RDH10: variants seen among roughly 807,000 people sequenced by gnomAD.
The protein encoded by RDH10 is retinol dehydrogenase 10 (all-trans).
In RDH10, 12 loss-of-function variants were observed where a neutral mutation model predicts 30.2. The observed-to-expected ratio is 0.40, with a 90% CI of 0.25 to 0.64. The LOEUF is 0.64. Ranked by LOEUF, RDH10 falls within the 30% of genes least tolerant of loss-of-function variation. The probability of loss-of-function intolerance (pLI) is 0.43; values close to 1 mark genes in which losing one functional copy is unlikely to be tolerated. For missense variants in RDH10, 268 were observed against 445.2 expected (o/e 0.60, Z 3.58); for synonymous variants, 189 against 172.2 (o/e 1.10, Z -0.76).
intron 2 of RDH10, among the ~76,000 whole-genome samples, chr8:73,318,557 C>T (rs1814714226): frequency 6.6e-6 from 1 of 152,260 alleles, no homozygotes; most frequent in Non-Finnish European, 1.5e-5. Context: ...TCCTAAAATA[C>T]TTTGTCTCCT....
At chr8:73,303,213 A>G (rs1644537021) in intron 2 of RDH10, among the ~76,000 whole-genome samples, 1 of 152,256 alleles carries the variant, frequency 6.6e-6, no homozygotes, top group South Asian at 2.1e-4. Flanking sequence ...TGAGTAATGT[A>G]GCACTTAAAG....
chr8:73,319,309 A>G, intron 3 of RDH10, 115 bp downstream of exon 3: 1 of 700,148 alleles, frequency 1.4e-6, no homozygotes, highest in Non-Finnish European at 2.5e-6. Flanking sequence ...GCACGAAGGC[A>G]CTCTGCATGT....
At chr8:73,306,636 T>G (rs1379310512) in intron 2 of RDH10, among the ~76,000 whole-genome samples, 1 of 152,242 alleles carries the variant, frequency 6.6e-6, no homozygotes, top group Non-Finnish European at 1.5e-5. Flanking sequence ...TTACAATGAA[T>G]TCACATTTGG....
intron 2 of RDH10, among the ~76,000 whole-genome samples, chr8:73,306,119 T>C (rs1814460019): frequency 6.6e-6 from 1 of 152,208 alleles, no homozygotes; most frequent in Non-Finnish European, 1.5e-5. Context: ...TTCAGAAGGT[T>C]CCCTGTATTG....
chr8:73,305,342 A>G (rs1283687846), intron 2 of RDH10, among the ~76,000 whole-genome samples: 1 of 152,242 alleles, frequency 6.6e-6, no homozygotes, highest in Non-Finnish European at 1.5e-5. Flanking sequence ...GAGAAAATTT[A>G]ATAGCCTCAC....
chr8:73,313,516 T>G (rs1233090934), intron 2 of RDH10: 1 of 152,126 alleles, frequency 6.6e-6, no homozygotes. Flanking sequence ...CAGAATATGG[T>G]ATTGGAATCT....
chr8:73,294,687 C>G lies in RDH10; in HGVS notation c.-603C>G, dbSNP rs1009653155. ...GTGACACCCGCGGAGAGTGCAGGGC[C>G]GGGGAACGCGAGCCCTCGGGGGCAG... On this transcript the variant is annotated 5_prime_UTR_variant, in exon 1 of 6. Coordinates refer to ENST00000240285, the MANE Select transcript of RDH10 (RefSeq NM_172037.5). 2 of 365,686 alleles carry G rather than the reference C, an allele frequency of 5.5e-6. No homozygotes were observed. Among genetic ancestry groups the G allele is most frequent in the East Asian group, 3.9e-5 (1 of 25,346 alleles). 22.7% of individuals were successfully genotyped at this position (365,686 alleles called of 1,614,324 possible). A position where few individuals can be genotyped will look rare whatever the true frequency, so the allele number is the denominator to read the frequency against.
At chr8:73,298,235 A>G (rs776231250) in intron 2 of RDH10, among the ~76,000 whole-genome samples, 1 of 152,094 alleles carries the variant, frequency 6.6e-6, no homozygotes, top group Non-Finnish European at 1.5e-5. Flanking sequence ...TCCTCACAGT[A>G]TTTTCCCTTT....
At chr8:73,321,631 TAGAA>T (rs1480846000) in intron 4 of RDH10, 2 of 357,174 alleles carry the variant, frequency 5.6e-6, no homozygotes, top group South Asian at 2.1e-5. Flanking sequence ...CCCACACACA[TAGAA>T]AGGAGGTATA....
chr8:73,311,149 A>G lies in RDH10; in HGVS notation c.526-7947A>G, dbSNP rs146708692. On this transcript the variant is annotated intron_variant, in intron 2 of 5. Coordinates refer to ENST00000240285, the MANE Select transcript of RDH10 (RefSeq NM_172037.5). ...AATTGGAAAAATAATTGTTGAATCT[A>G]AATCGTAACATATTTGAGATGAAAA... 52 of 152,306 alleles carry G rather than the reference A, an allele frequency of 3.4e-4. No individual in the cohort carries two copies. In the East Asian group the frequency reaches 9.3e-3, roughly 27 times the overall value. The allele number at this position is 152,306 out of a possible 1,614,324, so 9.4% of individuals were successfully genotyped here.
Position 73,322,924 on chromosome 8 carries a change from T to A in RDH10, c.914T>A (p.Phe305Tyr). Residue 305 changes from phenylalanine (F) to tyrosine (Y), a missense_variant, in exon 6 of 6, where the codon TTT becomes TAT. Coordinates refer to ENST00000240285, the MANE Select transcript of RDH10 (RefSeq NM_172037.5). Reference sequence around the variant, plus strand: ...CTTCCCTTTTTCAGCATCCTACCATTTGAAGCAGTTGTGTGCATGTATCGG... The same window carrying A: ...CTTCCCTTTTTCAGCATCCTACCATATGAAGCAGTTGTGTGCATGTATCGG... ...IVTFMKSILP[F>Y]EAVVCMYRFL... 2 of 1,614,168 alleles carry A rather than the reference T, an allele frequency of 1.2e-6. No homozygotes were observed. The highest frequency in any genetic ancestry group is 1.7e-6 in the Non-Finnish European group (2 of 1,180,006).
At chr8:73,298,623 G>A (rs1023193961) in intron 2 of RDH10, among the ~76,000 whole-genome samples, 64 of 152,212 alleles carry the variant, frequency 4.2e-4, no homozygotes, top group African/African-American at 1.5e-3. Flanking sequence ...TGCCTCCCAA[G>A]TTCAAGCAAT....
intron 4 of RDH10, chr8:73,322,060 G>A (rs1259473942): frequency 2.2e-6 from 1 of 451,486 alleles, no homozygotes; most frequent in Non-Finnish European, 4.5e-6. Flanking sequence ...CTCCAGTGTA[G>A]CATAGCAGCA....
intron 1 of RDH10, 185 bp from the exon 2 acceptor site, chr8:73,297,009 G>C: frequency 1.7e-6 from 1 of 579,038 alleles, no homozygotes; most frequent in Non-Finnish European, 3.1e-6. Flanking sequence ...AATTCCCAAA[G>C]ACTTCATGGG....
chr8:73,308,228 T>A (rs1037678186), intron 2 of RDH10, among the ~76,000 whole-genome samples: 15 of 152,228 alleles, frequency 9.9e-5, no homozygotes, highest in Admixed American at 6.5e-4. Context: ...TTCATTTTGT[T>A]AGCTTATCTC....
Position 73,323,208 on chromosome 8 carries a change from T to C in RDH10, c.*172T>C. On this transcript the variant is annotated 3_prime_UTR_variant, in exon 6 of 6. Coordinates refer to ENST00000240285, the MANE Select transcript of RDH10 (RefSeq NM_172037.5). ...TTAACCGACTAGAGTACTTGGAAAA[T>C]GTGATCAGTACAAGTGAACTTAGGT... 2 of 571,056 alleles carry C rather than the reference T, an allele frequency of 3.5e-6. No individual in the cohort carries two copies. The highest frequency in any genetic ancestry group is 6.1e-6 in the Non-Finnish European group (2 of 329,172). The allele number at this position is 571,056 out of a possible 1,614,324, so 35.4% of individuals were successfully genotyped here. A position where few individuals can be genotyped will look rare whatever the true frequency, so the allele number is the denominator to read the frequency against.
rs996344431 is a variant in RDH10, at chr8:73,296,392, C to A, written c.290-802C>A. ...AGAAAATTGACTTGGGCACTTCTCC[C>A]CTGTATTGATAATTTATCATCAAAC... is the stretch of plus-strand genomic sequence containing the variant. On this transcript the variant is annotated intron_variant, in intron 1 of 5. Transcript: ENST00000240285. 5.9e-5 allele frequency among the ~76,000 whole-genome samples: 9 copies of A among 152,092 alleles called. No homozygotes were observed. The East Asian group carries it at 1.7e-3, about 29-fold the overall frequency.
intron 1 of RDH10, among the ~76,000 whole-genome samples, chr8:73,296,597 A>G (rs902283594): frequency 6.6e-6 from 1 of 152,186 alleles, no homozygotes; most frequent in African/African-American, 2.4e-5. Flanking sequence ...GTAAAATTGC[A>G]TATTTACCTG....
At chr8:73,306,664 G>A (rs936545681) in intron 2 of RDH10, among the ~76,000 whole-genome samples, 4 of 152,194 alleles carry the variant, frequency 2.6e-5, no homozygotes, top group Non-Finnish European at 1.5e-5. Flanking sequence ...ACATTACTTG[G>A]TCTGTGAAAC....
Sources: gnomAD v4.1 joint callset for allele counts (sites outside exome capture counted in the v4.1 genomes callset) on GRCh38, gnomAD v4.1.1 for gene constraint, MANE v1.5 for transcripts, NCBI Gene and HGNC (gene_info 2026-07-23, HGNC 2026-07-21) for gene names.